Variants in LRP1B observed in about 807,000 individuals in gnomAD.
LRP1B encodes the protein LDL receptor related protein 1B, also known as low-density lipoprotein receptor-related protein 1B.
A neutral mutation model predicts 556.6 loss-of-function variants in LRP1B; 217 were observed. The ratio of observed to expected loss-of-function variants is 0.39; its 90% confidence interval spans 0.35 to 0.44. The LOEUF is 0.44. LRP1B is among the 20% of genes least tolerant of loss of function. The pLI, the probability that LRP1B is intolerant of heterozygous loss-of-function variation, is 1.00. For synonymous variants in LRP1B, 2,047 were observed against 1,865.8 expected, an observed-to-expected ratio of 1.10 and a Z score of -2.50; for missense variants, 5,053 against 5,620.8, an observed-to-expected ratio of 0.90 and a Z score of 3.23.
chr2:140,433,496 G>A (rs1194676701), intron 66 of LRP1B, among the ~76,000 whole-genome samples: 2 of 152,196 alleles, frequency 1.3e-5, no homozygotes, highest in East Asian at 1.9e-4. Context: ...AATTTTCATT[G>A]AGCCTGCCGC....
intron 41 of LRP1B, among the ~76,000 whole-genome samples, chr2:140,613,416 T>C (rs1683149930): frequency 6.9e-6 from 1 of 145,156 alleles, no homozygotes; most frequent in African/African-American, 2.5e-5. Flanking sequence ...TATATACATA[T>C]AAATATATAT....
intron 5 of LRP1B, among the ~76,000 whole-genome samples, chr2:141,230,829 T>C (rs1521102): frequency 0.56 from 84,631 of 151,986 alleles, 24,230 homozygotes; most frequent in Admixed American, 0.64. Flanking sequence ...TAGCACTTTA[T>C]CGTCTAAAAA....
At chr2:140,324,976 C>T (rs374473170) in intron 80 of LRP1B, among the ~76,000 whole-genome samples, 1 of 150,158 alleles carries the variant, frequency 6.7e-6, no homozygotes, top group East Asian at 2.0e-4. Context: ...TTTTAACTTC[C>T]CTGTGTTATT....
At chr2:140,270,673 G>T (rs896275781) in intron 85 of LRP1B, among the ~76,000 whole-genome samples, 1 of 151,848 alleles carries the variant, frequency 6.6e-6, no homozygotes, top group Non-Finnish European at 1.5e-5. Flanking sequence ...TCAGTATCTT[G>T]TTCCTTTTTC....
intron 2 of LRP1B, among the ~76,000 whole-genome samples, chr2:141,494,647 C>T (rs73963312): frequency 0.036 from 5,494 of 151,344 alleles, 357 homozygotes; most frequent in African/African-American, 0.13. Context: ...GCTAAATACA[C>T]AGTATTTGGT....
At chr2:141,215,058 G>A (rs866452565) in intron 6 of LRP1B, among the ~76,000 whole-genome samples, 2 of 152,204 alleles carry the variant, frequency 1.3e-5, no homozygotes, top group Non-Finnish European at 2.9e-5. Context: ...TGTTGGAGGT[G>A]GGGACTGGTG....
At chr2:141,601,279 C>G (rs900472) in intron 2 of LRP1B, among the ~76,000 whole-genome samples, 147,402 of 152,178 alleles carry the variant, frequency 0.97, 71,565 homozygotes, top group East Asian at 1. Flanking sequence ...AACCACATCA[C>G]ATGTTTCTAC....
intron 66 of LRP1B, among the ~76,000 whole-genome samples, chr2:140,413,374 T>TCCTAAA (rs1012617691): frequency 1.1e-4 from 17 of 152,166 alleles, no homozygotes; most frequent in Non-Finnish European, 2.2e-4. Context: ...TTAGAGAAAA[T>TCCTAAA]CCCCTTAGAG....
chr2:140,662,511 T>G (rs928875911), intron 41 of LRP1B, among the ~76,000 whole-genome samples: 1 of 152,126 alleles, frequency 6.6e-6, no homozygotes, highest in Non-Finnish European at 1.5e-5. Context: ...TGAAAAAATT[T>G]TAAATGTAGA....
chr2:140,849,064 T>TA lies in LRP1B; in HGVS notation c.4939+1037dup, dbSNP rs1379214151. ...AAGGGAAGTTGCTTATAAGCTTAAGTAGGGGAGGGAGGCCGGGCATGGTGG... is the reference window on the plus strand; with the variant it reads ...AAGGGAAGTTGCTTATAAGCTTAAGTAAGGGGAGGGAGGCCGGGCATGGTGG... On this transcript the variant is annotated intron_variant, in intron 29 of 90. Coordinates refer to ENST00000389484, the MANE Select transcript of LRP1B (RefSeq NM_018557.3). Among the ~76,000 whole-genome samples the TA allele has an allele frequency of 5.3e-5, 8 of 151,724 alleles. No individual in the cohort carries two copies. The East Asian group carries it at 1.6e-3, about 29-fold the overall frequency.
At chr2:141,822,123 A>G (rs1696770874) in intron 1 of LRP1B, among the ~76,000 whole-genome samples, 1 of 127,768 alleles carries the variant, frequency 7.8e-6, no homozygotes, top group Admixed American at 8.0e-5. Context: ...ACACACACAC[A>G]CACACACAGA....
intron 7 of LRP1B, among the ~76,000 whole-genome samples, chr2:141,112,071 T>TACATAATAAATAAATAAATAAATA (rs111423253): frequency 3.1e-4 from 45 of 145,822 alleles, no homozygotes; most frequent in East Asian, 2.0e-3. Context: ...AATAAATAAA[T>TACATAATAAATAAATAAATAAATA]AATAAATAAA....
At chr2:141,899,816 G>A (rs569455748) in intron 1 of LRP1B, among the ~76,000 whole-genome samples, 7 of 152,080 alleles carry the variant, frequency 4.6e-5, no homozygotes, top group African/African-American at 1.7e-4. Flanking sequence ...TTCCAAGAAC[G>A]CTTCAGCTTT....
At chr2:140,646,708 T>C (rs1031548364) in intron 41 of LRP1B, among the ~76,000 whole-genome samples, 2 of 152,164 alleles carry the variant, frequency 1.3e-5, no homozygotes, top group East Asian at 3.9e-4. Flanking sequence ...GTATTTTATA[T>C]AATCTAGATC....
intron 6 of LRP1B, among the ~76,000 whole-genome samples, chr2:141,209,136 C>T (rs1018185210): frequency 1.3e-5 from 2 of 152,050 alleles, no homozygotes; most frequent in African/African-American, 4.8e-5. Context: ...ATAAGGAAAT[C>T]TAGAACTGAT....
chr2:141,343,869 C>G (rs932341264), intron 3 of LRP1B, among the ~76,000 whole-genome samples: 16 of 152,240 alleles, frequency 1.1e-4, no homozygotes, highest in Non-Finnish European at 1.9e-4. Flanking sequence ...TTGGTTCCTT[C>G]CTCTTGAGAT....
intron 35 of LRP1B, among the ~76,000 whole-genome samples, chr2:140,738,460 G>A (rs1688024269): frequency 6.6e-6 from 1 of 152,044 alleles, no homozygotes; most frequent in Non-Finnish European, 1.5e-5. Flanking sequence ...ATTTCTGAAT[G>A]GGGAGAGCGT....
intron 2 of LRP1B, among the ~76,000 whole-genome samples, chr2:141,647,634 C>T (rs1689624647): frequency 6.6e-6 from 1 of 150,842 alleles, no homozygotes; most frequent in Non-Finnish European, 1.5e-5. Flanking sequence ...GTTCTGTTTA[C>T]TTCTAAATAA....
chr2:140,515,812 A>C (rs1449983362), intron 50 of LRP1B, among the ~76,000 whole-genome samples: 2 of 152,110 alleles, frequency 1.3e-5, no homozygotes, highest in Admixed American at 1.3e-4. Flanking sequence ...TTAGTAAAAT[A>C]AAATGCACCT....
Sources: gnomAD v4.1 joint callset for allele counts (sites outside exome capture counted in the v4.1 genomes callset) on GRCh38, gnomAD v4.1.1 for gene constraint, MANE v1.5 for transcripts, NCBI Gene and HGNC (gene_info 2026-07-23, HGNC 2026-07-21) for gene names.